Variants in CRACD observed in about 807,000 individuals in gnomAD.
The protein encoded by CRACD is capping protein inhibiting regulator of actin dynamics.
Under a neutral mutation model 106.8 loss-of-function variants are expected in CRACD, and 56 were observed. The ratio of observed to expected loss-of-function variants is 0.52; its 90% CI spans 0.42 to 0.66. The LOEUF (loss-of-function observed/expected upper bound fraction) is 0.66. Among genes scored for constraint, CRACD ranks in the 30% least tolerant of loss-of-function variants. The pLI is 0.00. For synonymous variants in CRACD, 754 were observed against 670.8 expected (o/e 1.12, Z -1.92); for missense variants, 1,730 against 1,623.2 (o/e 1.07, Z -1.13).
intron 3 of CRACD, among the ~76,000 whole-genome samples, chr4:56,294,936 TAAAAAGAAA>T (rs1249465497): frequency 1.2e-5 from 1 of 85,630 alleles, no homozygotes; most frequent in Non-Finnish European, 2.4e-5. Flanking sequence ...AAAAAAAAAG[TAAAAAGAAA>T]AAAAAGAAAA....
chr4:56,082,710 G>T (rs1271131909), intron 1 of CRACD, among the ~76,000 whole-genome samples: 1 of 152,136 alleles, frequency 6.6e-6, no homozygotes. Flanking sequence ...AAGGAGCCAA[G>T]AATTTCAGTT....
intron 2 of CRACD, among the ~76,000 whole-genome samples, chr4:56,257,841 G>A (rs1407008856): frequency 1.3e-5 from 2 of 152,082 alleles, no homozygotes; most frequent in Non-Finnish European, 2.9e-5. Context: ...GAAGGCCAAG[G>A]CAGGCAGATC....
intron 2 of CRACD, among the ~76,000 whole-genome samples, chr4:56,243,941 G>A (rs1278744023): frequency 6.6e-6 from 1 of 151,874 alleles, no homozygotes; most frequent in Non-Finnish European, 1.5e-5. Context: ...ACCCTTCCTG[G>A]CCTCTGGAAC....
intron 3 of CRACD, chr4:56,297,974 G>C (rs1359993335): frequency 8.2e-6 from 3 of 367,746 alleles, no homozygotes; most frequent in Non-Finnish European, 1.5e-5. Context: ...ATACAAATAA[G>C]TAACTGTCTT....
Position 56,313,311 on chromosome 4 carries a change from G to A in CRACD, c.469G>A (p.Ala157Thr). ...CATCGCTCGCCTGGACAACAGTGCC[G>A]CCAAGCACAAGCTGGCTGTTAAGCC... Reference protein sequence around the residue: ...LAIARLDNSAAKHKLAVKPKK... With the variant: ...LAIARLDNSATKHKLAVKPKK... The change falls in exon 7 of 11, where the codon GCC becomes ACC. Residue 157 changes from alanine to threonine, a missense_variant. Around this residue, in one of 5 missense-constraint regions of CRACD, gnomAD observed 1,620 missense variants for 1,481.6 expected, o/e 1.09. Transcript: ENST00000682029. 3 of 1,614,206 alleles carry A rather than the reference G, an allele frequency of 1.9e-6. No homozygotes were observed. The highest frequency in any genetic ancestry group is 2.5e-6 in the Non-Finnish European group (3 of 1,180,038).
At chr4:56,170,309 T>C (rs1736311472) in intron 1 of CRACD, 1 of 152,238 alleles carries the variant, frequency 6.6e-6, no homozygotes, top group Non-Finnish European at 1.5e-5. Flanking sequence ...AGTTGCTCTG[T>C]TGGGAGTGGG....
At chr4:56,236,543 T>C (rs1360777345) in intron 2 of CRACD, among the ~76,000 whole-genome samples, 1 of 152,154 alleles carries the variant, frequency 6.6e-6, no homozygotes, top group Non-Finnish European at 1.5e-5. Context: ...ATGACAGCTT[T>C]GAACTACTCA....
intron 1 of CRACD, among the ~76,000 whole-genome samples, chr4:56,061,764 G>C (rs757349816): frequency 2.0e-5 from 3 of 152,172 alleles, no homozygotes; most frequent in Non-Finnish European, 4.4e-5. Context: ...TTTCTAGATA[G>C]AGTAGCCCAG....
chr4:56,231,590 T>C (rs994372557), intron 2 of CRACD, among the ~76,000 whole-genome samples: 1 of 152,290 alleles, frequency 6.6e-6, no homozygotes, highest in African/African-American at 2.4e-5. Context: ...CCCAAATGCC[T>C]ATCAACCTAA....
chr4:56,080,638 CTT>C (rs1278415695), intron 1 of CRACD, among the ~76,000 whole-genome samples: 1 of 152,190 alleles, frequency 6.6e-6, no homozygotes, highest in Non-Finnish European at 1.5e-5. Context: ...ATGGAACCTA[CTT>C]TGAACTTGAG....
At position 56,329,393 on chromosome 4, in the gene CRACD, T is replaced by C. The variant is rs542037112; in HGVS notation, c.*1589T>C. On this transcript the variant is annotated 3_prime_UTR_variant, in exon 11 of 11. Coordinates refer to ENST00000682029, the MANE Select transcript of CRACD (RefSeq NM_001393381.1). ...TATGCTCGCTCAATATGCAATGTGC[T>C]GTTATTCTACCATGTACCTTAAATA... Among the ~76,000 whole-genome samples, 1 of 152,374 alleles carries C rather than the reference T, an allele frequency of 6.6e-6. No homozygotes were observed. Among genetic ancestry groups the C allele is most frequent in the Admixed American group, 6.5e-5 (1 of 15,304 alleles).
chr4:56,132,313 T>G (rs1304794463), intron 1 of CRACD, among the ~76,000 whole-genome samples: 1 of 152,094 alleles, frequency 6.6e-6, no homozygotes, highest in Non-Finnish European at 1.5e-5. Context: ...GTGCTGGGAT[T>G]ACAGACATGA....
chr4:56,067,796 G>A (rs191886412), intron 1 of CRACD, among the ~76,000 whole-genome samples: 4 of 152,242 alleles, frequency 2.6e-5, no homozygotes, highest in Admixed American at 6.5e-5. Flanking sequence ...GACTAGACCC[G>A]AGCTTCTGAC....
intron 2 of CRACD, among the ~76,000 whole-genome samples, chr4:56,263,801 G>A (rs915141173): frequency 6.6e-6 from 1 of 152,206 alleles, no homozygotes; most frequent in African/African-American, 2.4e-5. Context: ...GCTGGAGGAA[G>A]GTGTGATGAA....
chr4:56,202,595 A>T (rs1737936516), intron 2 of CRACD, among the ~76,000 whole-genome samples: 2 of 152,188 alleles, frequency 1.3e-5, no homozygotes, highest in South Asian at 4.1e-4. Flanking sequence ...CAGCAATTTG[A>T]GCTAGGCTAA....
intron 1 of CRACD, among the ~76,000 whole-genome samples, chr4:56,171,795 T>A: frequency 6.6e-6 from 1 of 152,150 alleles, no homozygotes; most frequent in East Asian, 1.9e-4. Flanking sequence ...TTCAACCATA[T>A]GCCTGCCTCC....
At chr4:56,144,742 G>T (rs954505782) in intron 1 of CRACD, among the ~76,000 whole-genome samples, 7 of 150,976 alleles carry the variant, frequency 4.6e-5, no homozygotes, top group African/African-American at 1.7e-4. Context: ...TGCAAACTCC[G>T]CCTTCCGGGT....
intron 2 of CRACD, among the ~76,000 whole-genome samples, chr4:56,222,089 C>A (rs1051798688): frequency 6.6e-6 from 1 of 152,198 alleles, no homozygotes; most frequent in Non-Finnish European, 1.5e-5. Flanking sequence ...TGCCTGCACG[C>A]ATATGTTTTT....
intron 2 of CRACD, among the ~76,000 whole-genome samples, chr4:56,187,033 C>T (rs933633258): frequency 6.6e-6 from 1 of 151,528 alleles, no homozygotes; most frequent in Non-Finnish European, 1.5e-5. Context: ...CATGCCACTG[C>T]ACTCCAGCCT....
Sources: allele counts gnomAD v4.1 joint callset (sites outside exome capture counted in the v4.1 genomes callset), GRCh38; gene constraint gnomAD v4.1.1; regional missense constraint gnomAD v4.1.1; transcripts MANE v1.5; gene names NCBI Gene and HGNC (gene_info 2026-07-23, HGNC 2026-07-21).